The following MIB1 variants were observed in gnomAD, a reference collection of about 807,000 sequenced individuals.
MIB1 encodes E3 ubiquitin-protein ligase MIB1.
Under a neutral mutation model 124.5 loss-of-function variants are expected in MIB1, and 278 were observed. The observed-to-expected ratio is 2.23, with a 90% CI of 2.02 to 2.47. The LOEUF is 2.47. Ranked by LOEUF, MIB1 falls within the 30% of genes most tolerant of loss-of-function variation. MIB1 has a pLI of 0.00. For missense variants in MIB1, 957 were observed against 1,254.4 expected (o/e 0.76, Z 3.58); for synonymous variants, 446 against 429.4 (o/e 1.04, Z -0.48).
chr18:21,861,109 T>C (rs1190689882), intron 20 of MIB1, among the ~76,000 whole-genome samples: 1 of 152,180 alleles, frequency 6.6e-6, no homozygotes, highest in East Asian at 1.9e-4. Context: ...TCTGAAGAGA[T>C]GAAAACTCTG....
At chr18:21,768,778 T>C in intron 3 of MIB1, 26 bp downstream of exon 3, 2 of 1,592,288 alleles carry the variant, frequency 1.3e-6, no homozygotes, top group South Asian at 2.3e-5. Flanking sequence ...GAATTCATTA[T>C]GTATTCTAGA....
In MIB1 at chr18:21,744,302, T is replaced by A. The variant is rs1404138517; in HGVS notation, c.229+2490T>A. Among the ~76,000 whole-genome samples the A allele has an allele frequency of 2.6e-5, 4 of 152,242 alleles. No homozygotes were observed. The East Asian group carries it at 7.7e-4, about 29-fold the overall frequency. On this transcript the variant is annotated intron_variant, in intron 1 of 20. Coordinates refer to ENST00000261537, the MANE Select transcript of MIB1 (RefSeq NM_020774.4). ...ATATTTATTTGCATAATATTAACAT[T>A]TTAAAAATTAACTTTTGTTTTTGAA...
rs2041190786 is a variant in MIB1, at chr18:21,768,622, G to A, written c.402-1G>A. ...TTGAAAATAAATAATTTTATTTTTAGGGTTCTGTTAGAGTCTCGTAGGAAA... is the reference window on the plus strand; with the variant it reads ...TTGAAAATAAATAATTTTATTTTTAAGGTTCTGTTAGAGTCTCGTAGGAAA... On this transcript the variant is annotated splice_acceptor_variant, in intron 2 of 20. Coordinates refer to ENST00000261537, the MANE Select transcript of MIB1 (RefSeq NM_020774.4). LOFTEE classifies it high-confidence loss of function. The A allele has an allele frequency of 3.9e-6, 6 of 1,529,694 alleles. No homozygotes were observed. Among genetic ancestry groups the A allele is most frequent in the Admixed American group, 2.0e-5 (1 of 49,772 alleles). The allele number at this position is 1,529,694 out of a possible 1,614,324, so 94.8% of individuals were successfully genotyped here. A position where few individuals can be genotyped will look rare whatever the true frequency, so the allele number is the denominator to read the frequency against.
At position 21,838,303 on chromosome 18, in the gene MIB1, A is replaced by G. The variant is rs141130227; in HGVS notation, c.1830-62A>G. On this transcript the variant is annotated intron_variant, in intron 12 of 20. Transcript: ENST00000261537. The stretch of plus-strand genomic sequence containing the variant: ...AGAGGAGTATCTTCATTTGATTGCA[A>G]ACTTTTCTTTTGAGTATATCAAATT... 28 of 1,225,494 alleles carry G rather than the reference A, an allele frequency of 2.3e-5. No individual in the cohort carries two copies. The East Asian group carries it at 2.9e-4, about 12-fold the overall frequency. 75.9% of individuals were successfully genotyped at this position (1,225,494 alleles called of 1,614,324 possible). A position where few individuals can be genotyped will look rare whatever the true frequency, so the allele number is the denominator to read the frequency against.
chr18:21,849,740 C>CCT (rs893327916), intron 17 of MIB1, among the ~76,000 whole-genome samples: 2 of 152,124 alleles, frequency 1.3e-5, no homozygotes, highest in African/African-American at 4.8e-5. Context: ...CTCCCTATAA[C>CCT]CTAAGGATAC....
intron 12 of MIB1, among the ~76,000 whole-genome samples, chr18:21,835,003 A>T (rs2042013780): frequency 6.6e-6 from 1 of 152,228 alleles, no homozygotes; most frequent in Non-Finnish European, 1.5e-5. Flanking sequence ...TAAAATAGAT[A>T]TTTAAAAACA....
intron 8 of MIB1, among the ~76,000 whole-genome samples, chr18:21,798,553 T>C (rs964519807): frequency 1.3e-5 from 2 of 152,154 alleles, no homozygotes; most frequent in Non-Finnish European, 2.9e-5. Context: ...GTCAGAACTT[T>C]TGTTTTCTGC....
chr18:21,706,190 T>C (rs2040625573), intron 1 of MIB1, among the ~76,000 whole-genome samples: 1 of 152,178 alleles, frequency 6.6e-6, no homozygotes, highest in Admixed American at 6.5e-5. Context: ...CACGTGATTC[T>C]CCTGCCTCAG....
intron 6 of MIB1, among the ~76,000 whole-genome samples, chr18:21,790,832 C>T (rs1355843372): frequency 1.3e-5 from 2 of 152,116 alleles, no homozygotes; most frequent in South Asian, 2.1e-4. Context: ...AATAGACAAA[C>T]GTATACCAAA....
chr18:21,773,839 G>A (rs191390355), intron 4 of MIB1, 111 bp downstream of exon 4: 8 of 617,680 alleles, frequency 1.3e-5, no homozygotes, highest in Admixed American at 1.1e-4. Flanking sequence ...GAACCTTTAC[G>A]TTTTTACTAT....
intron 12 of MIB1, chr18:21,825,644 T>C: frequency 4.0e-6 from 2 of 505,654 alleles, no homozygotes; most frequent in South Asian, 3.0e-5. Context: ...AAGTTGAAAT[T>C]AGTTGGCAAG....
chr18:21,800,011 AG>A, intron 9 of MIB1, 37 bp downstream of exon 9: 1 of 1,564,644 alleles, frequency 6.4e-7, no homozygotes, highest in Non-Finnish European at 8.8e-7. Flanking sequence ...GCATACAAAA[AG>A]TAGAATAGTA....
At chr18:21,833,069 GTAA>G (rs2041999222) in intron 12 of MIB1, among the ~76,000 whole-genome samples, 1 of 152,186 alleles carries the variant, frequency 6.6e-6, no homozygotes, top group East Asian at 1.9e-4. Flanking sequence ...CAGAAGTTAA[GTAA>G]TCTGCTGAAG....
At chr18:21,786,524 A>G (rs1047814837) in intron 6 of MIB1, among the ~76,000 whole-genome samples, 2 of 151,478 alleles carry the variant, frequency 1.3e-5, no homozygotes, top group African/African-American at 4.9e-5. Context: ...TTGTAATTTG[A>G]ATAAGCTTCT....
chr18:21,850,802 A>T lies in MIB1; in HGVS notation c.2586+1414A>T, dbSNP rs534524416. The stretch of plus-strand genomic sequence containing the variant: ...TTAGCATTTATAATTCGCTTTAGCT[A>T]CCTGTTTACGAAGTAATAGTTTGGG... On this transcript the variant is annotated intron_variant, in intron 17 of 20. Transcript: ENST00000261537. 3.3e-5 allele frequency among the ~76,000 whole-genome samples: 5 copies of T among 152,316 alleles called. No homozygotes were observed. The South Asian group carries it at 1.0e-3, about 32-fold the overall frequency.
At chr18:21,759,217 G>A (rs1365631266) in intron 1 of MIB1, among the ~76,000 whole-genome samples, 1 of 150,404 alleles carries the variant, frequency 6.6e-6, no homozygotes, top group Admixed American at 6.6e-5. Flanking sequence ...ACATATGTGT[G>A]TATATATATG....
chr18:21,755,334 CT>C (rs33999789), intron 1 of MIB1, among the ~76,000 whole-genome samples: 22,081 of 139,524 alleles, frequency 0.16, 1,906 homozygotes, highest in African/African-American at 0.3. Flanking sequence ...AAACAACTGG[CT>C]TTTTTTTTTT....
rs1486997802 is a variant in MIB1 at position 21,866,955 on chromosome 18, T to TTTG, written c.*2290_*2291insTGT. On this transcript the variant is annotated 3_prime_UTR_variant, in exon 21 of 21. Transcript: ENST00000261537. ...TAAGAACTTCATCATTTCAGTGACT[T>TTTG]TCCTCCAACTCTCTGAATCTGCTAC... 1 of 152,598 alleles carries TTTG rather than the reference T, an allele frequency of 6.6e-6. No homozygotes were observed. The highest frequency in any genetic ancestry group is 2.4e-5 in the African/African-American group (1 of 41,450). The allele number at this position is 152,598 out of a possible 1,614,324, so 9.5% of individuals were successfully genotyped here. A position where few individuals can be genotyped will look rare whatever the true frequency, so the allele number is the denominator to read the frequency against.
At chr18:21,806,153 C>T (rs547684265) in intron 10 of MIB1, among the ~76,000 whole-genome samples, 3 of 151,398 alleles carry the variant, frequency 2.0e-5, no homozygotes, top group South Asian at 2.1e-4. Context: ...TTTCGCTTAC[C>T]TCAGCCTCCT....
Sources: gnomAD v4.1 joint callset for allele counts (sites outside exome capture counted in the v4.1 genomes callset) on GRCh38, gnomAD v4.1.1 for gene constraint, MANE v1.5 for transcripts, NCBI Gene and HGNC (gene_info 2026-07-23, HGNC 2026-07-21) for gene names.